The following PPP2R5E variants were observed in gnomAD, a reference collection of about 807,000 sequenced individuals.
PPP2R5E encodes the protein protein phosphatase 2 regulatory subunit B'epsilon, also known as serine/threonine-protein phosphatase 2A 56 kDa regulatory subunit epsilon isoform.
A neutral mutation model predicts 65.3 loss-of-function variants in PPP2R5E; 4 were observed. The ratio of observed to expected loss-of-function variants is 0.06; its 90% CI spans 0.03 to 0.14. PPP2R5E has a LOEUF of 0.14. PPP2R5E is among the 10% of genes least tolerant of loss of function. The pLI, the probability that PPP2R5E is intolerant of heterozygous loss-of-function variation, is 1.00. For synonymous variants in PPP2R5E, 183 were observed against 187.4 expected (o/e 0.98, Z 0.19); for missense variants, 274 against 556.1 (o/e 0.49, Z 5.10).
intron 3 of PPP2R5E, among the ~76,000 whole-genome samples, chr14:63,441,665 A>G (rs1471110298): frequency 1.3e-5 from 2 of 152,176 alleles, no homozygotes; most frequent in African/African-American, 2.4e-5. Flanking sequence ...TAATCCCAGC[A>G]CTTTGGGAGG....
At chr14:63,520,898 G>A (rs933656663) in intron 2 of PPP2R5E, among the ~76,000 whole-genome samples, 2 of 148,968 alleles carry the variant, frequency 1.3e-5, no homozygotes, top group Non-Finnish European at 3.0e-5. Context: ...AATTAGCCGG[G>A]CATGGTAGCA....
At chr14:63,486,513 A>G (rs759035708) in intron 2 of PPP2R5E, among the ~76,000 whole-genome samples, 2 of 151,966 alleles carry the variant, frequency 1.3e-5, no homozygotes, top group Non-Finnish European at 2.9e-5. Flanking sequence ...TTTGAAATGT[A>G]TACTAAATTA....
At chr14:63,472,660 A>G (rs1225436801) in intron 2 of PPP2R5E, among the ~76,000 whole-genome samples, 2 of 152,258 alleles carry the variant, frequency 1.3e-5, no homozygotes, top group South Asian at 4.1e-4. Context: ...ACAAGGAATA[A>G]ACAAAGGAAA....
intron 3 of PPP2R5E, among the ~76,000 whole-genome samples, chr14:63,422,726 A>AT (rs1887100093): frequency 9.6e-6 from 1 of 104,528 alleles, no homozygotes; most frequent in Non-Finnish European, 1.8e-5. Context: ...GACTCCGTCT[A>AT]TTTAAAAAAA....
chr14:63,534,877 C>T (rs1594982187), intron 2 of PPP2R5E, among the ~76,000 whole-genome samples: 1 of 152,156 alleles, frequency 6.6e-6, no homozygotes, highest in Non-Finnish European at 1.5e-5. Flanking sequence ...AACTCTGTCT[C>T]CCTATGTGCT....
chr14:63,454,041 C>A (rs1272747709), intron 2 of PPP2R5E, among the ~76,000 whole-genome samples, 156 bp from the exon 3 acceptor site: 1 of 152,186 alleles, frequency 6.6e-6, no homozygotes, highest in South Asian at 2.1e-4. Flanking sequence ...GGAGGGGATA[C>A]CGTATCTACT....
intron 2 of PPP2R5E, among the ~76,000 whole-genome samples, chr14:63,514,422 C>G (rs757497233): frequency 9.9e-5 from 15 of 151,764 alleles, no homozygotes; most frequent in Non-Finnish European, 1.9e-4. Flanking sequence ...TTCCTGCTAA[C>G]CAGAGCAAGC....
chr14:63,488,875 A>G (rs1319198159), intron 2 of PPP2R5E, among the ~76,000 whole-genome samples: 1 of 151,164 alleles, frequency 6.6e-6, no homozygotes, highest in Non-Finnish European at 1.5e-5. Flanking sequence ...TTAATTAAAT[A>G]TAAATATAAA....
chr14:63,430,389 A>ATGCATGCATG (rs1887594254), intron 3 of PPP2R5E, among the ~76,000 whole-genome samples: 1 of 142,492 alleles, frequency 7.0e-6, no homozygotes, highest in African/African-American at 2.9e-5. Flanking sequence ...ATACATACAT[A>ATGCATGCATG]CATACATACA....
chr14:63,455,759 C>T (rs1364073855), intron 2 of PPP2R5E, among the ~76,000 whole-genome samples: 2 of 152,212 alleles, frequency 1.3e-5, no homozygotes, highest in East Asian at 3.9e-4. Context: ...TAAAATCTTT[C>T]GAGATCGAAA....
intron 2 of PPP2R5E, among the ~76,000 whole-genome samples, chr14:63,488,694 C>A (rs1045368985): frequency 6.6e-6 from 1 of 150,946 alleles, no homozygotes; most frequent in Non-Finnish European, 1.5e-5. Flanking sequence ...ACTAAAAATA[C>A]AAAAATTAGC....
intron 2 of PPP2R5E, among the ~76,000 whole-genome samples, chr14:63,501,785 C>T (rs1891902986): frequency 6.6e-6 from 1 of 152,100 alleles, no homozygotes; most frequent in Admixed American, 6.6e-5. Context: ...CCATACTCAG[C>T]AATAAAAAGT....
intron 5 of PPP2R5E, among the ~76,000 whole-genome samples, chr14:63,411,847 C>T (rs1886408308): frequency 6.6e-6 from 1 of 152,056 alleles, no homozygotes; most frequent in African/African-American, 2.4e-5. Context: ...ACCAAATACA[C>T]CTCTTTTCTT....
chr14:63,421,872 C>T (rs190616182), intron 4 of PPP2R5E, 121 bp downstream of exon 4: 190 of 713,500 alleles, frequency 2.7e-4, no homozygotes, highest in Non-Finnish European at 3.6e-4. Context: ...CATTCTCTAA[C>T]TTTCCATTAG....
chr14:63,505,681 G>A (rs1160281715), intron 2 of PPP2R5E, among the ~76,000 whole-genome samples: 2 of 152,116 alleles, frequency 1.3e-5, no homozygotes, highest in Non-Finnish European at 2.9e-5. Context: ...CCAACAATCT[G>A]GACCAGCTGC....
At chr14:63,390,988 G>C (rs189820452) in intron 10 of PPP2R5E, among the ~76,000 whole-genome samples, 73 of 152,344 alleles carry the variant, frequency 4.8e-4, no homozygotes, top group Non-Finnish European at 6.9e-4. Context: ...AGGGTCATTT[G>C]TGAATGGCTG....
At chr14:63,447,229 G>A (rs1248334695) in intron 3 of PPP2R5E, among the ~76,000 whole-genome samples, 1 of 152,226 alleles carries the variant, frequency 6.6e-6, no homozygotes, top group African/African-American at 2.4e-5. Context: ...GTCAGAGATG[G>A]TAACATCTTC....
At chr14:63,503,119 C>T (rs1891977005) in intron 2 of PPP2R5E, among the ~76,000 whole-genome samples, 1 of 152,102 alleles carries the variant, frequency 6.6e-6, no homozygotes, top group South Asian at 2.1e-4. Flanking sequence ...TAAAAAATTA[C>T]ATACTATAAG....
At chr14:63,485,894 A>G (rs1890968415) in intron 2 of PPP2R5E, among the ~76,000 whole-genome samples, 1 of 140,810 alleles carries the variant, frequency 7.1e-6, no homozygotes, top group Non-Finnish European at 1.5e-5. Context: ...CAGTGGTACG[A>G]CCTCAGCTCA....
Sources: gnomAD v4.1 joint callset for allele counts (sites outside exome capture counted in the v4.1 genomes callset) on GRCh38, gnomAD v4.1.1 for gene constraint, MANE v1.5 for transcripts, NCBI Gene and HGNC (gene_info 2026-07-23, HGNC 2026-07-21) for gene names.